Variants in NAV1 observed in about 807,000 individuals in gnomAD.
NAV1 encodes the protein pore membrane and/or filament interacting like protein 3.
NAV1 carries 18 observed loss-of-function variants against 175.2 expected under a neutral mutation model. The observed-to-expected ratio is 0.10, with a 90% confidence interval of 0.07 to 0.15. The LOEUF (loss-of-function observed/expected upper bound fraction) is 0.15, where lower values mean the gene tolerates loss of function less well. Among genes scored for constraint, NAV1 ranks in the 10% least tolerant of loss-of-function variants. NAV1 has a pLI of 1.00. For synonymous variants in NAV1, 897 were observed against 978.7 expected, an observed-to-expected ratio of 0.92 and a Z score of 1.56; for missense variants, 1,731 against 2,436.6, an observed-to-expected ratio of 0.71 and a Z score of 6.10.
At chr1:201,716,837 C>T (rs1010389056) in intron 2 of NAV1, among the ~76,000 whole-genome samples, 4 of 152,186 alleles carry the variant, frequency 2.6e-5, no homozygotes, top group Admixed American at 2.0e-4. Flanking sequence ...GTGTTTGCAC[C>T]ACTACACTCC....
chr1:201,551,717 A>G (rs970602090), intron 1 of NAV1, among the ~76,000 whole-genome samples: 1 of 152,196 alleles, frequency 6.6e-6, no homozygotes, highest in Admixed American at 6.5e-5. Context: ...GCTCATTTTT[A>G]CCCAGTCAAA....
chr1:201,562,591 A>C (rs1206085561), intron 1 of NAV1, among the ~76,000 whole-genome samples: 1 of 152,218 alleles, frequency 6.6e-6, no homozygotes, highest in East Asian at 1.9e-4. Context: ...TATGGTCTGA[A>C]AGGATCCCGG....
At chr1:201,602,664 T>TACCATGAGCTCATCCAGAG (rs1667554547) in intron 2 of NAV1, among the ~76,000 whole-genome samples, 1 of 121,514 alleles carries the variant, frequency 8.2e-6, no homozygotes, top group Admixed American at 8.9e-5. Flanking sequence ...TTTTTTTTTT[T>TACCATGAGCTCATCCAGAG]TGGTTTTTTT....
intron 3 of NAV1, among the ~76,000 whole-genome samples, chr1:201,745,642 T>C (rs566551010): frequency 1.3e-5 from 2 of 152,242 alleles, no homozygotes; most frequent in South Asian, 4.2e-4. Context: ...AGTCAGTAAG[T>C]AGTGGAGCAG....
intron 2 of NAV1, among the ~76,000 whole-genome samples, chr1:201,608,502 C>T (rs549247407): frequency 1.3e-5 from 2 of 152,320 alleles, no homozygotes; most frequent in Non-Finnish European, 2.9e-5. Flanking sequence ...TGGGGACTTA[C>T]AGGTCAGTGA....
intron 2 of NAV1, among the ~76,000 whole-genome samples, chr1:201,594,537 T>C (rs1667298988): frequency 6.6e-6 from 1 of 152,216 alleles, no homozygotes; most frequent in Admixed American, 6.5e-5. Context: ...GCAGGCCCCA[T>C]AAACTCTCTA....
intron 1 of NAV1, among the ~76,000 whole-genome samples, chr1:201,681,543 C>A (rs569998591): frequency 6.6e-6 from 1 of 152,212 alleles, no homozygotes; most frequent in Admixed American, 6.5e-5. Context: ...GCTTCCTGTT[C>A]GGTCCAGCTG....
chr1:201,790,898 C>T (rs1677072149), intron 13 of NAV1, 132 bp downstream of exon 17: 1 of 769,706 alleles, frequency 1.3e-6, no homozygotes, highest in Non-Finnish European at 2.1e-6. Flanking sequence ...GTCTTCTTCA[C>T]AGCTCTATGA....
intron 1 of NAV1, among the ~76,000 whole-genome samples, chr1:201,670,594 G>A (rs1015535492): frequency 7.9e-5 from 12 of 151,394 alleles, no homozygotes; most frequent in African/African-American, 2.9e-4. Context: ...TGATAGAGAT[G>A]ATGGTGATTT....
intron 1 of NAV1, among the ~76,000 whole-genome samples, chr1:201,695,909 C>G (rs1671170736): frequency 6.6e-6 from 1 of 152,250 alleles, no homozygotes; most frequent in South Asian, 2.1e-4. Context: ...CCTGCTCATT[C>G]CCTTTGCTTT....
chr1:201,761,931 T>A (rs1005521192), intron 3 of NAV1, among the ~76,000 whole-genome samples: 1 of 152,000 alleles, frequency 6.6e-6, no homozygotes, highest in Non-Finnish European at 1.5e-5. Context: ...GGCGGGAGGA[T>A]AACTTGAGGA....
At chr1:201,766,188 C>CA (rs1243324330) in intron 3 of NAV1, among the ~76,000 whole-genome samples, 2 of 152,108 alleles carry the variant, frequency 1.3e-5, no homozygotes, top group Non-Finnish European at 2.9e-5. Flanking sequence ...AGCCTTAACT[C>CA]AAAAAAATTT....
At chr1:201,631,165 G>GTGCTAGCTA (rs1668471075) in intron 2 of NAV1, among the ~76,000 whole-genome samples, 1 of 152,204 alleles carries the variant, frequency 6.6e-6, no homozygotes, top group Admixed American at 6.5e-5. Flanking sequence ...AGAGGAGCAG[G>GTGCTAGCTA]GTTCACTGCA....
At chr1:201,631,841 CTTT>C (rs1377858205) in intron 2 of NAV1, among the ~76,000 whole-genome samples, 1 of 151,718 alleles carries the variant, frequency 6.6e-6, no homozygotes, top group East Asian at 1.9e-4. Flanking sequence ...GGTTTGGGGG[CTTT>C]TTTTTGAAGC....
chr1:201,598,646 A>G (rs1207220401), intron 2 of NAV1, among the ~76,000 whole-genome samples: 2 of 152,206 alleles, frequency 1.3e-5, no homozygotes, highest in African/African-American at 4.8e-5. Flanking sequence ...GTGACCTTGG[A>G]CAATCTCTCA....
chr1:201,564,088 CTG>C (rs1229968265), intron 1 of NAV1, among the ~76,000 whole-genome samples: 1 of 146,762 alleles, frequency 6.8e-6, no homozygotes, highest in Non-Finnish European at 1.5e-5. Context: ...CAGAGCAAGA[CTG>C]TGTCTCAAAA....
At chr1:201,655,923 G>A (rs1166755444) in intron 1 of NAV1, among the ~76,000 whole-genome samples, 6 of 152,190 alleles carry the variant, frequency 3.9e-5, no homozygotes, top group Non-Finnish European at 8.8e-5. Context: ...CCCATTAGGG[G>A]AGAATGAGGA....
chr1:201,816,239 C>G (rs552134692), intron 28 of NAV1, among the ~76,000 whole-genome samples: 36 of 152,190 alleles, frequency 2.4e-4, no homozygotes, highest in South Asian at 6.2e-4. Flanking sequence ...AGCGTGGTGG[C>G]ACATGCCTGT....
intron 2 of NAV1, 78 bp downstream of exon 6, chr1:201,712,997 G>A (rs564502537): frequency 9.1e-7 from 1 of 1,098,042 alleles, no homozygotes; most frequent in African/African-American, 1.5e-5. Flanking sequence ...AGGGCCCCCG[G>A]GTCCCTCCAC....
Sources: allele counts gnomAD v4.1 joint callset (sites outside exome capture counted in the v4.1 genomes callset), GRCh38; gene constraint gnomAD v4.1.1; transcripts MANE v1.5; gene names NCBI Gene and HGNC (gene_info 2026-07-23, HGNC 2026-07-21).